Variants in CLYBL observed in about 807,000 individuals in gnomAD.
The protein encoded by CLYBL is citramalyl-CoA lyase, mitochondrial.
In CLYBL, 31 loss-of-function variants were observed where a neutral mutation model predicts 38.9. The ratio of observed to expected loss-of-function variants is 0.80; its 90% CI spans 0.60 to 1.08. The LOEUF (loss-of-function observed/expected upper bound fraction) is 1.08, where lower values mean the gene tolerates loss of function less well. Among genes scored for constraint, CLYBL ranks in the 50% least tolerant of loss-of-function variants. CLYBL has a pLI of 0.00. For synonymous variants in CLYBL, 171 were observed against 158.6 expected, an observed-to-expected ratio of 1.08 and a Z score of -0.59; for missense variants, 434 against 411.6, an observed-to-expected ratio of 1.05 and a Z score of -0.47.
At chr13:99,875,822 A>G (rs948198143) in intron 7 of CLYBL, among the ~76,000 whole-genome samples, 3 of 152,184 alleles carry the variant, frequency 2.0e-5, no homozygotes, top group Non-Finnish European at 4.4e-5. Context: ...TGAAAGATAA[A>G]GGGACATAAC....
At chr13:99,729,189 G>A (rs2048536901) in intron 1 of CLYBL, among the ~76,000 whole-genome samples, 1 of 152,218 alleles carries the variant, frequency 6.6e-6, no homozygotes, top group Admixed American at 6.5e-5. Context: ...TTTTAAAAGT[G>A]TGAGGCCTAA....
At chr13:99,703,332 T>C (rs1157441146) in intron 1 of CLYBL, among the ~76,000 whole-genome samples, 1 of 152,156 alleles carries the variant, frequency 6.6e-6, no homozygotes, top group Non-Finnish European at 1.5e-5. Flanking sequence ...CTTGTCTTTG[T>C]TTTTTAGTGT....
chr13:99,673,808 G>A (rs1372030794), intron 1 of CLYBL, among the ~76,000 whole-genome samples: 1 of 152,196 alleles, frequency 6.6e-6, no homozygotes, highest in Non-Finnish European at 1.5e-5. Flanking sequence ...GGGTTGAAGT[G>A]GGGAGACCCG....
At chr13:99,747,336 C>T (rs1421452378) in intron 1 of CLYBL, among the ~76,000 whole-genome samples, 1 of 149,980 alleles carries the variant, frequency 6.7e-6, no homozygotes, top group Non-Finnish European at 1.5e-5. Flanking sequence ...TTCTGGTTTT[C>T]TCTCTCACCT....
At chr13:99,883,155 G>A (rs1239256157) in intron 7 of CLYBL, among the ~76,000 whole-genome samples, 1 of 152,158 alleles carries the variant, frequency 6.6e-6, no homozygotes, top group Non-Finnish European at 1.5e-5. Context: ...ACCCCACCGG[G>A]TTTCAGTCCA....
intron 2 of CLYBL, among the ~76,000 whole-genome samples, chr13:99,792,599 G>T (rs1187836121): frequency 1.3e-5 from 2 of 148,334 alleles, no homozygotes; most frequent in Non-Finnish European, 1.5e-5. Context: ...CCCCACCCCT[G>T]GAGTTTCTCA....
At chr13:99,904,112 C>G (rs1482874886) in intron 8 of CLYBL, among the ~76,000 whole-genome samples, 1 of 151,822 alleles carries the variant, frequency 6.6e-6, no homozygotes, top group Non-Finnish European at 1.5e-5. Context: ...CATTTTGTTG[C>G]CAAAGAAGGA....
intron 1 of CLYBL, among the ~76,000 whole-genome samples, chr13:99,706,753 A>G (rs2048152925): frequency 6.6e-6 from 1 of 152,218 alleles, no homozygotes. Flanking sequence ...GAAGGAGAAG[A>G]TGGCTGCATT....
chr13:99,620,456 T>A (rs1390313855), intron 1 of CLYBL, among the ~76,000 whole-genome samples: 1 of 152,182 alleles, frequency 6.6e-6, no homozygotes, highest in Non-Finnish European at 1.5e-5. Flanking sequence ...GTCAGATGTG[T>A]AGCCCTTCTC....
rs150142875 is a variant in CLYBL at position 99,654,096 on chromosome 13, G to A, written c.62+47339G>A. ...CGGCTGCTTGGTTTGCTCCCACCAC[G>A]TGGGGTAGGGGGACACATGCCTTCC... On this transcript the variant is annotated intron_variant, in intron 1 of 8. Transcript: ENST00000339105. Among the ~76,000 whole-genome samples, 732 of 152,244 alleles carry A rather than the reference G, an allele frequency of 4.8e-3. 8 individuals are homozygous for A. The highest frequency in any genetic ancestry group is 0.016 in the African/African-American group (662 of 41,540).
chr13:99,687,826 C>A (rs191625997), intron 1 of CLYBL, among the ~76,000 whole-genome samples: 1 of 152,144 alleles, frequency 6.6e-6, no homozygotes, highest in African/African-American at 2.4e-5. Context: ...ATCTCTCCTG[C>A]GGGTGCCTGA....
At chr13:99,900,233 T>C (rs1262627030), downstream of CLYBL, among the ~76,000 whole-genome samples, 3 of 152,164 alleles carry the variant, frequency 2.0e-5, no homozygotes, top group Non-Finnish European at 4.4e-5. Flanking sequence ...GGCCTTCATA[T>C]TTACTTTCAT....
chr13:99,894,295 G>A (rs763131346), downstream of CLYBL: 4 of 152,272 alleles, frequency 2.6e-5, no homozygotes, highest in East Asian at 3.8e-4. Context: ...GGGCACCCCC[G>A]ACACGGGGAA....
Position 99,801,781 on chromosome 13 carries a change from C to T in CLYBL, c.249+28771C>T, listed in dbSNP as rs551064360. Among the ~76,000 whole-genome samples, 3 of 152,304 alleles carry T rather than the reference C, an allele frequency of 2.0e-5. No homozygotes were observed. In the South Asian group the frequency reaches 6.2e-4, roughly 32 times the overall value. On this transcript the variant is annotated intron_variant, in intron 2 of 8. Transcript: ENST00000339105. ...CCTGTAATCCCAGGACTTTGGGAGG[C>T]CGAGGCAGGCGGATCACCTGAGGTC...
At chr13:99,857,997 A>AC (rs1042084579) in intron 2 of CLYBL, among the ~76,000 whole-genome samples, 24 of 151,912 alleles carry the variant, frequency 1.6e-4, no homozygotes, top group African/African-American at 5.6e-4. Flanking sequence ...GGAAGTAATG[A>AC]CCCCCAGTGC....
intron 1 of CLYBL, among the ~76,000 whole-genome samples, chr13:99,753,782 T>C (rs1240846680): frequency 6.6e-6 from 1 of 152,168 alleles, no homozygotes; most frequent in Non-Finnish European, 1.5e-5. Flanking sequence ...CTGCTACTTA[T>C]ATGACTCAAA....
At chr13:99,839,241 G>C (rs1347179550) in intron 2 of CLYBL, among the ~76,000 whole-genome samples, 1 of 152,200 alleles carries the variant, frequency 6.6e-6, no homozygotes, top group East Asian at 1.9e-4. Context: ...CAACTCAAGA[G>C]GGCAGAGGAT....
intron 7 of CLYBL, among the ~76,000 whole-genome samples, chr13:99,873,348 A>ATAAAG (rs796666647): frequency 7.1e-4 from 108 of 152,342 alleles, no homozygotes; most frequent in African/African-American, 2.6e-3. Context: ...GCACAATTAT[A>ATAAAG]TAAAGTATTG....
chr13:99,823,229 A>G (rs1427185831), intron 2 of CLYBL, among the ~76,000 whole-genome samples: 1 of 151,996 alleles, frequency 6.6e-6, no homozygotes, highest in Non-Finnish European at 1.5e-5. Flanking sequence ...TTTCTTTCTT[A>G]ATTTCTTTAA....
Sources: gnomAD v4.1 joint callset for allele counts (sites outside exome capture counted in the v4.1 genomes callset) on GRCh38, gnomAD v4.1.1 for gene constraint, MANE v1.5 for transcripts, NCBI Gene and HGNC (gene_info 2026-07-23, HGNC 2026-07-21) for gene names.